Variants in TBC1D31 observed in about 807,000 individuals in gnomAD.
TBC1D31 encodes TBC1 domain family member 31.
In TBC1D31, 99 loss-of-function variants were observed where a neutral mutation model predicts 132.9. That is an observed-to-expected ratio of 0.74 (90% CI 0.63 to 0.88). TBC1D31 has a LOEUF of 0.88. TBC1D31 is among the 40% of genes least tolerant of loss of function. The probability of loss-of-function intolerance (pLI) is 0.00; values close to 1 mark genes in which losing one functional copy is unlikely to be tolerated. For missense variants in TBC1D31, 1,134 were observed against 1,256.6 expected, an observed-to-expected ratio of 0.90 and a Z score of 1.48; for synonymous variants, 385 against 419.4, an observed-to-expected ratio of 0.92 and a Z score of 1.00.
chr8:123,160,546 T>G, the TBC1D31 span, among the ~76,000 whole-genome samples: 1 of 152,200 alleles, frequency 6.6e-6, no homozygotes, highest in East Asian at 1.9e-4. Context: ...TGATCCTGCC[T>G]TGGGCCCACT....
chr8:123,121,931 C>G (rs1207778349), intron 11 of TBC1D31, among the ~76,000 whole-genome samples: 1 of 152,146 alleles, frequency 6.6e-6, no homozygotes, highest in Admixed American at 6.5e-5. Flanking sequence ...GACCATCAAG[C>G]ATATGAAAAG....
chr8:123,084,248 A>G lies in TBC1D31; in HGVS notation c.427A>G (p.Thr143Ala). Reference protein sequence around the residue: ...SVHASGKYAITTSSDTAQLWD... With the variant: ...SVHASGKYAIATSSDTAQLWD... ...GCATGCATCAGGGAAATATGCCATC[A>G]CAACTTCTTCTGATACAGCACAATT... is the stretch of plus-strand genomic sequence containing the variant. Residue 143 changes from threonine (T) to alanine (A), a missense_variant, in exon 4 of 22, where the codon ACA becomes GCA. By Grantham distance (58) the Thr-to-Ala change is moderately conservative. Coordinates refer to ENST00000287380, the MANE Select transcript of TBC1D31 (RefSeq NM_145647.4). The G allele has an allele frequency of 3.1e-6, 5 of 1,614,184 alleles. No individual in the cohort carries two copies. The highest frequency in any genetic ancestry group is 4.2e-6 in the Non-Finnish European group (5 of 1,180,016).
intron 1 of TBC1D31, chr8:123,073,129 C>T: frequency 1.9e-6 from 1 of 536,532 alleles, no homozygotes; most frequent in Non-Finnish European, 3.4e-6. Context: ...CCGGGACTCT[C>T]CTGCTTTTAT....
downstream of TBC1D31, among the ~76,000 whole-genome samples, chr8:123,153,220 A>G (rs577429233): frequency 6.6e-6 from 1 of 152,246 alleles, no homozygotes; most frequent in South Asian, 2.1e-4. Context: ...ACTTTGGTAG[A>G]CTAGAATTGC....
chr8:123,098,484 T>C (rs936565141), intron 6 of TBC1D31, among the ~76,000 whole-genome samples: 1 of 152,158 alleles, frequency 6.6e-6, no homozygotes, highest in Non-Finnish European at 1.5e-5. Context: ...GTATGTTTAG[T>C]AGAGACAGGG....
intron 16 of TBC1D31, among the ~76,000 whole-genome samples, chr8:123,130,831 A>G (rs574592757): frequency 1.3e-5 from 2 of 151,806 alleles, no homozygotes; most frequent in African/African-American, 4.8e-5. Context: ...CATGTTGGCT[A>G]GGCTGATCTC....
chr8:123,092,839 G>A (rs749309422), intron 4 of TBC1D31, among the ~76,000 whole-genome samples: 1 of 82,210 alleles, frequency 1.2e-5, no homozygotes. Context: ...TGAGACGAAG[G>A]CTCACTCCCT....
intron 10 of TBC1D31, among the ~76,000 whole-genome samples, chr8:123,112,210 T>C (rs1818514872): frequency 1.3e-5 from 2 of 152,214 alleles, no homozygotes; most frequent in Admixed American, 6.5e-5. Context: ...CTCCTCTTCA[T>C]ATGATAATGC....
chr8:123,082,352 C>T (rs546076946), intron 2 of TBC1D31, among the ~76,000 whole-genome samples: 2 of 151,938 alleles, frequency 1.3e-5, no homozygotes, highest in Non-Finnish European at 2.9e-5. Context: ...GCTTCTGAAA[C>T]CTCTCCTATT....
At chr8:123,105,768 T>A (rs1480575370) in intron 8 of TBC1D31, among the ~76,000 whole-genome samples, 1 of 152,110 alleles carries the variant, frequency 6.6e-6, no homozygotes, top group Non-Finnish European at 1.5e-5. Flanking sequence ...TTCAAGGGAT[T>A]TGAAAACTTT....
At chr8:123,143,914 C>G (rs887528252) in intron 19 of TBC1D31, among the ~76,000 whole-genome samples, 1 of 152,164 alleles carries the variant, frequency 6.6e-6, no homozygotes, top group Non-Finnish European at 1.5e-5. Flanking sequence ...GGGCCCTTCA[C>G]GTTCTGCAGA....
chr8:123,116,210 T>C (rs1429457167), intron 10 of TBC1D31, among the ~76,000 whole-genome samples: 1 of 152,152 alleles, frequency 6.6e-6, no homozygotes, highest in Non-Finnish European at 1.5e-5. Flanking sequence ...ATTTAGTAAA[T>C]GACATGGAAT....
intron 1 of TBC1D31, 76 bp from the exon 2 acceptor site, chr8:123,077,031 AATGC>A: frequency 2.2e-6 from 3 of 1,355,362 alleles, no homozygotes; most frequent in Non-Finnish European, 2.0e-6. Context: ...GAACAGACGA[AATGC>A]TTTACTTGCC....
In TBC1D31 at chr8:123,093,603, C is replaced by A; in HGVS notation, c.532C>A (p.Pro178Thr). The A allele has an allele frequency of 6.2e-7, 1 of 1,602,180 alleles. No homozygotes were observed. The highest frequency in any genetic ancestry group is 8.5e-7 in the Non-Finnish European group (1 of 1,172,392). The change falls in exon 5 of 22, where the codon CCA becomes ACA. Residue 178 changes from proline (P) to threonine (T), a missense_variant. Coordinates refer to ENST00000287380, the MANE Select transcript of TBC1D31 (RefSeq NM_145647.4). ...SVGIQKVFFL[P>T]LSNTILSCFK... ...TATTCCTCCTTAGGTTTTCTTTCTA[C>A]CATTAAGTAATACCATCCTCAGCTG...
At chr8:123,098,342 C>T (rs1008049631) in intron 6 of TBC1D31, among the ~76,000 whole-genome samples, 2 of 152,154 alleles carry the variant, frequency 1.3e-5, no homozygotes, top group African/African-American at 2.4e-5. Flanking sequence ...AGCTCTGTCT[C>T]CCAGGCTGGA....
intron 10 of TBC1D31, among the ~76,000 whole-genome samples, chr8:123,118,341 G>C (rs752286530): frequency 8.6e-5 from 13 of 151,994 alleles, no homozygotes; most frequent in Non-Finnish European, 1.9e-4. Flanking sequence ...TTAGGTCAAA[G>C]GTATACAATA....
chr8:123,130,135 GA>G (rs1820468960), intron 15 of TBC1D31, 62 bp from the exon 16 acceptor site: 4 of 1,531,688 alleles, frequency 2.6e-6, no homozygotes, highest in Non-Finnish European at 3.5e-6. Flanking sequence ...GACCTGTTAT[GA>G]AAAAACTAAA....
intron 7 of TBC1D31, chr8:123,103,610 A>T (rs1241444084): frequency 6.6e-6 from 1 of 152,168 alleles, no homozygotes; most frequent in Non-Finnish European, 1.5e-5. Context: ...TTTAGTAGAG[A>T]TGGTGTTTCA....
intron 7 of TBC1D31, chr8:123,102,220 C>T (rs1197458712): frequency 2.2e-6 from 1 of 456,152 alleles, no homozygotes; most frequent in African/African-American, 2.0e-5. Flanking sequence ...TGATGATCAC[C>T]TGGTCTAACC....
Sources: gnomAD v4.1 joint callset for allele counts (sites outside exome capture counted in the v4.1 genomes callset) on GRCh38, gnomAD v4.1.1 for gene constraint, MANE v1.5 for transcripts, NCBI Gene and HGNC (gene_info 2026-07-23, HGNC 2026-07-21) for gene names.